POU2F2: variants seen among roughly 807,000 people sequenced by gnomAD.
POU2F2 encodes POU domain, class 2, transcription factor 2.
In POU2F2, 14 loss-of-function variants were observed where a neutral mutation model predicts 63.5. That is an observed-to-expected ratio of 0.22 (90% confidence interval 0.15 to 0.34). The LOEUF (loss-of-function observed/expected upper bound fraction) is 0.34. POU2F2 is among the 10% of genes least tolerant of loss of function. The pLI is 1.00. For synonymous variants in POU2F2, 306 were observed against 348.6 expected, an observed-to-expected ratio of 0.88 and a Z score of 1.36; for missense variants, 607 against 815.2, an observed-to-expected ratio of 0.74 and a Z score of 3.11.
chr19:42,164,898 G>T (rs2034620406), intron 1 of POU2F2, among the ~76,000 whole-genome samples: 1 of 151,432 alleles, frequency 6.6e-6, no homozygotes, highest in African/African-American at 2.4e-5. Flanking sequence ...AGAGGTAGAG[G>T]CTGCAGTGAG....
chr19:42,140,320 A>G (rs914952037), intron 2 of POU2F2, among the ~76,000 whole-genome samples: 2 of 152,158 alleles, frequency 1.3e-5, no homozygotes, highest in Non-Finnish European at 1.5e-5. Flanking sequence ...CGCCGCTGTC[A>G]TCCCAGCGCA....
At chr19:42,185,931 C>T (rs946873593) in intron 1 of POU2F2, among the ~76,000 whole-genome samples, 2 of 152,122 alleles carry the variant, frequency 1.3e-5, no homozygotes, top group African/African-American at 4.8e-5. Flanking sequence ...ACTCTGTTGC[C>T]CAGGTTGGAG....
chr19:42,121,680 C>G (rs1443395183), intron 4 of POU2F2, among the ~76,000 whole-genome samples: 1 of 152,210 alleles, frequency 6.6e-6, no homozygotes, highest in African/African-American at 2.4e-5. Context: ...AGGGCCCCAT[C>G]TGGATGTGGA....
At chr19:42,180,502 A>G (rs900994056), upstream of POU2F2, among the ~76,000 whole-genome samples, 1 of 152,192 alleles carries the variant, frequency 6.6e-6, no homozygotes, top group Admixed American at 6.5e-5. Context: ...TACGTGTACA[A>G]TAGACCTAGG....
At chr19:42,121,001 C>A (rs981590503) in intron 4 of POU2F2, among the ~76,000 whole-genome samples, 1 of 152,088 alleles carries the variant, frequency 6.6e-6, no homozygotes, top group Non-Finnish European at 1.5e-5. Context: ...AGAAACAGGG[C>A]GTACAGGGCG....
At chr19:42,150,605 C>A (rs2034326025) in intron 2 of POU2F2, among the ~76,000 whole-genome samples, 1 of 151,566 alleles carries the variant, frequency 6.6e-6, no homozygotes, top group Admixed American at 6.6e-5. Flanking sequence ...GGCGGCCGGC[C>A]TTCGCAGCGA....
In POU2F2 at chr19:42,091,526, C is replaced by T; in HGVS notation, c.1606G>A (p.Ala536Thr). ...GGGCTCCCCGGGGCTGCACCGGCTG[C>T]CCCCAGCACCAGATTCCCGCTGCCA... ...LDGSGNLVLG[A>T]AGAAPGSPGL... Residue 536 changes from alanine (A) to threonine (T), a missense_variant, in exon 15 of 15, where the codon GCA becomes ACA. Ala to Thr is a moderately conservative substitution (Grantham distance 58). Transcript: ENST00000692977. 1 of 1,546,102 alleles carries T rather than the reference C, an allele frequency of 6.5e-7. No homozygotes were observed. Among genetic ancestry groups the T allele is most frequent in the African/African-American group, 1.4e-5 (1 of 73,010 alleles).
At chr19:42,180,135 C>T (rs1311824494), upstream of POU2F2, among the ~76,000 whole-genome samples, 3 of 151,988 alleles carry the variant, frequency 2.0e-5, no homozygotes, top group Non-Finnish European at 4.4e-5. Context: ...TAGCCACCTA[C>T]CAACCAGCCT....
intron 1 of POU2F2, among the ~76,000 whole-genome samples, chr19:42,182,615 C>T (rs913285735): frequency 7.9e-5 from 12 of 151,984 alleles, no homozygotes; most frequent in Non-Finnish European, 1.2e-4. Context: ...GTGTTCGAGT[C>T]GGAGGATGAA....
intron 1 of POU2F2, among the ~76,000 whole-genome samples, chr19:42,181,406 T>C (rs1347826043): frequency 6.6e-6 from 1 of 152,204 alleles, no homozygotes; most frequent in African/African-American, 2.4e-5. Context: ...CAGGTGTGCA[T>C]GTACATGGCT....
intron 2 of POU2F2, among the ~76,000 whole-genome samples, chr19:42,154,843 C>T (rs142434225): frequency 6.6e-6 from 1 of 152,324 alleles, no homozygotes; most frequent in Non-Finnish European, 1.5e-5. Flanking sequence ...CCACGTTCCT[C>T]TGGGCCCCTG....
At chr19:42,181,483 G>A (rs1186152945) in intron 1 of POU2F2, among the ~76,000 whole-genome samples, 2 of 152,192 alleles carry the variant, frequency 1.3e-5, no homozygotes, top group Non-Finnish European at 2.9e-5. Context: ...TCAGAAACAT[G>A]TATACAAATA....
upstream of POU2F2, chr19:42,137,134 A>T (rs1490804945): frequency 6.6e-6 from 1 of 152,232 alleles, no homozygotes; most frequent in Non-Finnish European, 1.5e-5. Flanking sequence ...AGTGGTTAAA[A>T]GCAACCCATA....
intron 1 of POU2F2, chr19:42,196,267 T>A (rs1292849393): frequency 6.6e-6 from 1 of 152,104 alleles, no homozygotes; most frequent in Non-Finnish European, 1.5e-5. Context: ...TCTCCTTGTG[T>A]GTAACTGTCG....
chr19:42,098,412 C>CA (rs1218709430), intron 7 of POU2F2, among the ~76,000 whole-genome samples: 5,429 of 55,608 alleles, frequency 0.098, 247 homozygotes, highest in African/African-American at 0.22. Flanking sequence ...GACTCCATCT[C>CA]AAAAAAAAAA....
At position 42,153,942 on chromosome 19, in the gene POU2F2, C is replaced by T. The variant is rs1301643205; in HGVS notation, c.-9+6390G>A. Among the ~76,000 whole-genome samples, 1 of 152,140 alleles carries T rather than the reference C, an allele frequency of 6.6e-6. No individual in the cohort carries two copies. Among genetic ancestry groups the T allele is most frequent in the Non-Finnish European group, 1.5e-5 (1 of 68,016 alleles). ...CTTCTTTCCCTTCCCTGCCAGAGAC[C>T]CCAGACCCCTGCCAGGATGGGCCCA... On this transcript the variant is annotated intron_variant, in intron 2 of 6. Coordinates refer to the POU2F2 transcript ENST00000524801. This position sits in a 1 kb window ranked among gnomAD's most constrained non-coding sequence, Gnocchi z 5.6.
At chr19:42,124,415 G>GTATT (rs2032997755) in intron 1 of POU2F2, among the ~76,000 whole-genome samples, 1 of 150,354 alleles carries the variant, frequency 6.7e-6, no homozygotes, top group South Asian at 2.1e-4. Flanking sequence ...TTGCAATTGA[G>GTATT]TATTATTCAA....
chr19:42,102,504 C>T (rs2077180298), intron 5 of POU2F2, among the ~76,000 whole-genome samples: 1 of 151,916 alleles, frequency 6.6e-6, no homozygotes, highest in Non-Finnish European at 1.5e-5. Context: ...TGCCTGTAAT[C>T]CCAGCACCTT....
intron 2 of POU2F2, among the ~76,000 whole-genome samples, chr19:42,144,559 C>T (rs2034192787): frequency 6.6e-6 from 1 of 152,238 alleles, no homozygotes; most frequent in Non-Finnish European, 1.5e-5. Flanking sequence ...CACAGGGTGG[C>T]TCAGCTTGGC....
Sources: allele counts gnomAD v4.1 joint callset (sites outside exome capture counted in the v4.1 genomes callset), GRCh38; gene constraint gnomAD v4.1.1; non-coding constraint Gnocchi (gnomAD v3.1); transcripts MANE v1.5; gene names NCBI Gene and HGNC (gene_info 2026-07-23, HGNC 2026-07-21).